The following KIF26B variants were observed in gnomAD, a reference collection of about 807,000 sequenced individuals.
KIF26B encodes kinesin family member 26B.
KIF26B carries 63 observed loss-of-function variants against 151.2 expected under a neutral mutation model. The ratio of observed to expected loss-of-function variants is 0.42; its 90% CI spans 0.34 to 0.51. KIF26B has a LOEUF of 0.51. Ranked by LOEUF, KIF26B falls within the 20% of genes least tolerant of loss-of-function variation. The probability of loss-of-function intolerance (pLI) is 0.07; values close to 1 mark genes in which losing one functional copy is unlikely to be tolerated. For missense variants in KIF26B, 2,813 were observed against 2,913.6 expected (o/e 0.97, Z 0.79); for synonymous variants, 1,357 against 1,262.1 (o/e 1.08, Z -1.59).
chr1:245,310,783 A>G (rs1246974298), intron 2 of KIF26B, among the ~76,000 whole-genome samples: 1 of 152,190 alleles, frequency 6.6e-6, no homozygotes, highest in Non-Finnish European at 1.5e-5. Context: ...GGATGCCTGC[A>G]GAAGCGGCTG....
At chr1:245,309,966 A>T (rs1358314822) in intron 2 of KIF26B, among the ~76,000 whole-genome samples, 2 of 147,476 alleles carry the variant, frequency 1.4e-5, no homozygotes, top group African/African-American at 2.5e-5. Flanking sequence ...ATATCCTATT[A>T]GTCCTGTTTC....
chr1:245,564,350 C>A lies in KIF26B; in HGVS notation c.1350+23400C>A, dbSNP rs978026488. 6.6e-6 allele frequency among the ~76,000 whole-genome samples: 1 copy of A among 152,176 alleles called. No homozygotes were observed. Among genetic ancestry groups the A allele is most frequent in the African/African-American group, 2.4e-5 (1 of 41,442 alleles). ...CCGGGATCTATATGTTCTGGACTCT[C>A]TTCTACGACACGGAGACCTTTCCCG... On this transcript the variant is annotated intron_variant, in intron 5 of 14. Coordinates refer to ENST00000407071, the MANE Select transcript of KIF26B (RefSeq NM_018012.4). This position sits in a 1 kb window ranked among gnomAD's most constrained non-coding sequence, Gnocchi z 4.6.
chr1:245,383,751 G>A (rs1673471367), intron 3 of KIF26B, among the ~76,000 whole-genome samples: 1 of 152,196 alleles, frequency 6.6e-6, no homozygotes, highest in African/African-American at 2.4e-5. Context: ...TGAGTAGAAA[G>A]GATGAACGGT....
intron 5 of KIF26B, among the ~76,000 whole-genome samples, chr1:245,598,502 C>T (rs985699806): frequency 3.3e-5 from 5 of 152,150 alleles, no homozygotes; most frequent in Admixed American, 1.3e-4. Context: ...GGCTACGCTC[C>T]GTGACGAGGG....
intron 5 of KIF26B, among the ~76,000 whole-genome samples, chr1:245,548,527 C>T (rs1304128248): frequency 6.6e-6 from 1 of 152,162 alleles, no homozygotes; most frequent in African/African-American, 2.4e-5. Flanking sequence ...ACAGTGTCCA[C>T]ATTCCTCACT....
At chr1:245,580,759 C>T (rs188481976) in intron 5 of KIF26B, among the ~76,000 whole-genome samples, 7 of 152,328 alleles carry the variant, frequency 4.6e-5, no homozygotes, top group African/African-American at 1.2e-4. Context: ...CCTTACTTAC[C>T]CTTAGCTCCT....
chr1:245,552,122 G>GGTGTGTGTGTGTGT (rs55650522), intron 5 of KIF26B, among the ~76,000 whole-genome samples: 14 of 131,610 alleles, frequency 1.1e-4, no homozygotes, highest in Non-Finnish European at 1.6e-4. Flanking sequence ...GAACCAGCAG[G>GGTGTGTGTGTGTGT]GTGTGTGTGT....
intron 4 of KIF26B, among the ~76,000 whole-genome samples, chr1:245,481,167 C>A (rs189546812): frequency 6.6e-6 from 1 of 151,916 alleles, no homozygotes; most frequent in East Asian, 1.9e-4. Flanking sequence ...TGCTTCAAAC[C>A]AATGGCAGAG....
rs563044831 is a variant in KIF26B, at chr1:245,513,211, C to A, written c.1167-27556C>A. On this transcript the variant is annotated intron_variant, in intron 4 of 14. Coordinates refer to ENST00000407071, the MANE Select transcript of KIF26B (RefSeq NM_018012.4). ...CTGGTGGACAGCTCCAACCTGCACC[C>A]CCCCCCAACCCCGCCGCCCCCTCTA... Among the ~76,000 whole-genome samples, 171 of 149,528 alleles carry A rather than the reference C, an allele frequency of 1.1e-3. 1 individual carries two copies. The highest frequency in any genetic ancestry group is 4.2e-3 in the African/African-American group (167 of 39,624).
chr1:245,446,502 A>G (rs1177612959), intron 4 of KIF26B, among the ~76,000 whole-genome samples: 6 of 152,162 alleles, frequency 3.9e-5, no homozygotes. Context: ...TGTGTAGGTG[A>G]CTGCTCTACA....
chr1:245,163,091 A>C (rs1162253863), intron 2 of KIF26B, among the ~76,000 whole-genome samples: 1 of 152,200 alleles, frequency 6.6e-6, no homozygotes, highest in African/African-American at 2.4e-5. Flanking sequence ...TCTTTCTCAC[A>C]TTAATTGAAG....
At chr1:245,478,839 G>A (rs1465822194) in intron 4 of KIF26B, among the ~76,000 whole-genome samples, 1 of 151,802 alleles carries the variant, frequency 6.6e-6, no homozygotes, top group Non-Finnish European at 1.5e-5. Flanking sequence ...AGTGGTGATG[G>A]ATCAGACCAG....
chr1:245,329,770 A>G (rs1161408973), intron 2 of KIF26B, among the ~76,000 whole-genome samples: 1 of 152,236 alleles, frequency 6.6e-6, no homozygotes, highest in Non-Finnish European at 1.5e-5. Context: ...ATAGAGTGAC[A>G]TGTATACAAT....
In KIF26B at chr1:245,611,009, G is replaced by GC. The variant is rs1239285129; in HGVS notation, c.1915-784_1915-783insC. The stretch of plus-strand genomic sequence containing the variant: ...TTTTCTCCCCAAAAAGAGGAGTGCT[G>GC]GTTCAATTCTGTTAATGTGATCGTT... On this transcript the variant is annotated intron_variant, in intron 8 of 14. Coordinates refer to ENST00000407071, the MANE Select transcript of KIF26B (RefSeq NM_018012.4). Among the ~76,000 whole-genome samples the GC allele has an allele frequency of 8.5e-5, 13 of 152,290 alleles. No homozygotes were observed. In the East Asian group the frequency reaches 2.5e-3, roughly 29 times the overall value.
In KIF26B at chr1:245,265,828, G is replaced by T. The variant is rs76114378; in HGVS notation, c.466-101006G>T. On this transcript the variant is annotated intron_variant, in intron 2 of 14. Transcript: ENST00000407071. ...TTGCCATGTTGCTCAAGCTGGTTTCGAACTCCTGAGCTCAAGCCGTCTGCC... is the reference window on the plus strand; with the variant it reads ...TTGCCATGTTGCTCAAGCTGGTTTCTAACTCCTGAGCTCAAGCCGTCTGCC... Among the ~76,000 whole-genome samples, 255 of 152,088 alleles carry T rather than the reference G, an allele frequency of 1.7e-3. 7 individuals are homozygous for T. In the East Asian group the frequency reaches 0.045, roughly 27 times the overall value.
chr1:245,507,956 T>G (rs1283897705), intron 4 of KIF26B, among the ~76,000 whole-genome samples: 2 of 152,046 alleles, frequency 1.3e-5, no homozygotes, highest in Non-Finnish European at 2.9e-5. Flanking sequence ...CATTGGGGCT[T>G]AATGTGGTGC....
chr1:245,470,736 T>C (rs1253700584), intron 4 of KIF26B, among the ~76,000 whole-genome samples: 1 of 152,096 alleles, frequency 6.6e-6, no homozygotes, highest in Non-Finnish European at 1.5e-5. Context: ...GGCCACCACT[T>C]TGACCCCTGT....
rs116221496 is a variant in KIF26B at position 245,564,275 on chromosome 1, G to A, written c.1350+23325G>A. Reference sequence around the variant, plus strand: ...GCGATACACACTGTCACTTTCCCTGGGAACAGATTCGACCTGGGCAGAATG... The same window carrying A: ...GCGATACACACTGTCACTTTCCCTGAGAACAGATTCGACCTGGGCAGAATG... On this transcript the variant is annotated intron_variant, in intron 5 of 14. Transcript: ENST00000407071. This position sits in a 1 kb window ranked among gnomAD's most constrained non-coding sequence, Gnocchi z 4.6. Among the ~76,000 whole-genome samples, 1,200 of 152,178 alleles carry A rather than the reference G, an allele frequency of 7.9e-3. 10 individuals carry two copies. Among genetic ancestry groups the A allele is most frequent in the African/African-American group, 0.028 (1,148 of 41,504 alleles).
intron 4 of KIF26B, among the ~76,000 whole-genome samples, chr1:245,483,548 C>T (rs528761159): frequency 8.6e-5 from 13 of 151,816 alleles, no homozygotes; most frequent in South Asian, 2.1e-4. Context: ...ATGAAGTTTG[C>T]GTTGTTAACA....
Sources: allele counts gnomAD v4.1 joint callset (sites outside exome capture counted in the v4.1 genomes callset), GRCh38; gene constraint gnomAD v4.1.1; non-coding constraint Gnocchi (gnomAD v3.1); transcripts MANE v1.5; gene names NCBI Gene and HGNC (gene_info 2026-07-23, HGNC 2026-07-21).